MRPS22: variants seen among roughly 807,000 people sequenced by gnomAD.
MRPS22 encodes the protein mitochondrial ribosomal protein S22, also known as small ribosomal subunit protein mS22.
MRPS22 carries 30 observed loss-of-function variants against 44.0 expected under a neutral mutation model. The ratio of observed to expected loss-of-function variants is 0.68; its 90% confidence interval spans 0.51 to 0.93. The LOEUF (loss-of-function observed/expected upper bound fraction) is 0.93, where lower values mean the gene tolerates loss of function less well. Among genes scored for constraint, MRPS22 ranks in the 40% least tolerant of loss-of-function variants. MRPS22 has a pLI of 0.00. For missense variants in MRPS22, 447 were observed against 447.8 expected (o/e 1.00, Z 0.02); for synonymous variants, 165 against 154.4 (o/e 1.07, Z -0.51).
At chr3:139,351,895 C>G (rs900725840) in intron 5 of MRPS22, 2 of 152,772 alleles carry the variant, frequency 1.3e-5, no homozygotes, top group African/African-American at 2.4e-5. Flanking sequence ...GTCAGCAGAC[C>G]TTTGAAAGCC....
Position 139,356,976 on chromosome 3 carries a change from T to TATCA in MRPS22, c.1047_1050dup (p.Glu351SerfsTer16). ...CTATATAGAACTAACACTGCAGACT[T>TATCA]ATCAAGAAGCACTCAGTCGCCATTC... On this transcript the variant is annotated frameshift_variant, in exon 8 of 8. Transcript: ENST00000680020. LOFTEE classifies it high-confidence loss of function. 1 of 1,612,984 alleles carries TATCA rather than the reference T, an allele frequency of 6.2e-7. No individual in the cohort carries two copies. The highest frequency in any genetic ancestry group is 8.5e-7 in the Non-Finnish European group (1 of 1,179,528).
chr3:139,348,778 A>G (rs1941092608), intron 3 of MRPS22, among the ~76,000 whole-genome samples: 1 of 152,258 alleles, frequency 6.6e-6, no homozygotes, highest in Non-Finnish European at 1.5e-5. Context: ...TTCGCTTTCC[A>G]GAATTTTCAG....
At chr3:139,356,279 T>C (rs539769986) in intron 7 of MRPS22, among the ~76,000 whole-genome samples, 11 of 152,330 alleles carry the variant, frequency 7.2e-5, no homozygotes, top group Non-Finnish European at 1.3e-4. Context: ...TGGAGCTGCA[T>C]ACCTCTCAAA....
chr3:139,346,789 T>A, intron 1 of MRPS22, 89 bp from the exon 2 acceptor site: 2 of 1,364,932 alleles, frequency 1.5e-6, no homozygotes, highest in Non-Finnish European at 2.1e-6. Context: ...ATTGTGCTAA[T>A]GCTTTTTATT....
intron 6 of MRPS22, among the ~76,000 whole-genome samples, chr3:139,354,360 G>A (rs1941205880): frequency 6.6e-6 from 1 of 152,172 alleles, no homozygotes; most frequent in African/African-American, 2.4e-5. Flanking sequence ...TTATACTTAA[G>A]CATGAACCTA....
At chr3:139,346,822 A>T in intron 1 of MRPS22, 56 bp from the exon 2 acceptor site, 3 of 1,579,212 alleles carry the variant, frequency 1.9e-6, no homozygotes, top group Non-Finnish European at 2.6e-6. Context: ...TTCTATTTAG[A>T]GGTCTTGTTA....
chr3:139,346,809 CTT>C (rs1484696794), intron 1 of MRPS22, 67 bp from the exon 2 acceptor site: 3 of 1,545,978 alleles, frequency 1.9e-6, no homozygotes, highest in Non-Finnish European at 2.7e-6. Flanking sequence ...TGTTAACTGA[CTT>C]TTCTATTTAG....
chr3:139,354,274 G>C (rs143193343), intron 6 of MRPS22, among the ~76,000 whole-genome samples: 1 of 152,112 alleles, frequency 6.6e-6, no homozygotes, highest in African/African-American at 2.4e-5. Flanking sequence ...AAATCTTTTC[G>C]AAATATAATT....
chr3:139,352,359 G>C (rs1219959742), intron 5 of MRPS22: 1 of 354,786 alleles, frequency 2.8e-6, no homozygotes, highest in East Asian at 6.3e-5. Context: ...CTAGAGATGA[G>C]GACTGCTCAA....
chr3:139,354,193 G>T (rs1941203079), intron 6 of MRPS22, among the ~76,000 whole-genome samples: 1 of 152,216 alleles, frequency 6.6e-6, no homozygotes, highest in African/African-American at 2.4e-5. Context: ...GCTCAGAAAA[G>T]AATTAGGATT....
At chr3:139,349,392 A>G (rs1358217513) in intron 3 of MRPS22, 1 of 429,180 alleles carries the variant, frequency 2.3e-6, no homozygotes, top group Admixed American at 2.9e-5. Flanking sequence ...ACCTCTGAAA[A>G]CTTGAGAGTC....
Position 139,356,100 on chromosome 3 carries a change from G to C in MRPS22, c.987+310G>C, listed in dbSNP as rs906398838. Reference sequence around the variant, plus strand: ...GCACTGGAAGGGCTGAGCTGCATCTGAGGTGTTCAAGCCACCAACAGGACA... The same window carrying C: ...GCACTGGAAGGGCTGAGCTGCATCTCAGGTGTTCAAGCCACCAACAGGACA... On this transcript the variant is annotated intron_variant, in intron 7 of 7. Coordinates refer to ENST00000680020, the MANE Select transcript of MRPS22 (RefSeq NM_020191.4). 2.0e-5 allele frequency among the ~76,000 whole-genome samples: 3 copies of C among 152,196 alleles called. No homozygotes were observed. The East Asian group carries it at 5.8e-4, about 29-fold the overall frequency.
Position 139,350,508 on chromosome 3 carries a change from A to G in MRPS22, c.648+186A>G, listed in dbSNP as rs1194319322. The stretch of plus-strand genomic sequence containing the variant: ...AGTGGCGGGATCTCAGCTCACTGCA[A>G]CCTCCACCTTCTGGTTTCAAGTGAT... On this transcript the variant is annotated intron_variant, in intron 4 of 7. Transcript: ENST00000680020. 3.2e-5 allele frequency: 19 copies of G among 601,602 alleles called. No homozygotes were observed. In the East Asian group the frequency reaches 5.9e-4, roughly 19 times the overall value. 37.3% of individuals were successfully genotyped at this position (601,602 alleles called of 1,614,324 possible).
chr3:139,357,027 A>C lies in MRPS22; in HGVS notation c.*13A>C. The C allele has an allele frequency of 6.4e-7, 1 of 1,569,582 alleles. No homozygotes were observed. The highest frequency in any genetic ancestry group is 8.7e-7 in the Non-Finnish European group (1 of 1,142,960). On this transcript the variant is annotated 3_prime_UTR_variant, in exon 8 of 8. Coordinates refer to ENST00000680020, the MANE Select transcript of MRPS22 (RefSeq NM_020191.4). ...TGCAGCTTCCTAAAAATATTTTAAA[A>C]ATACATTTATTTTACTAAATACTGA... is the stretch of plus-strand genomic sequence containing the variant.
chr3:139,357,059 T>C lies in MRPS22; in HGVS notation c.*45T>C. ...TTATTTTACTAAATACTGACTACAT[T>C]TCTCTGTTAATATTGAGCTAAATGT... On this transcript the variant is annotated 3_prime_UTR_variant, in exon 8 of 8. Transcript: ENST00000680020. 1 of 1,419,958 alleles carries C rather than the reference T, an allele frequency of 7.0e-7. No homozygotes were observed. The highest frequency in any genetic ancestry group is 2.4e-4 in the Middle Eastern group (1 of 4,208). 88.0% of individuals were successfully genotyped at this position (1,419,958 alleles called of 1,614,324 possible).
chr3:139,344,116 G>A lies in MRPS22; in HGVS notation c.90G>A (p.Gln30=), dbSNP rs772766573. 2.0e-5 allele frequency: 32 copies of A among 1,614,088 alleles called. No individual in the cohort carries two copies. Among genetic ancestry groups the A allele is most frequent in the Non-Finnish European group, 2.4e-5 (28 of 1,180,006 alleles). The change falls in exon 1 of 8, where the codon CAG becomes CAA. Residue 30 remains glutamine (Q), a synonymous_variant. Transcript: ENST00000680020. ...GGGTCTGTTTCCGGGCTCGAATCCA[G>A]CCCTGGCACGGTGGCCTGCTCCAAC... ...VERVCFRARI[Q]PWHGGLLQPL... is the part of the protein sequence containing the mutation.
At chr3:139,354,063 T>C (rs935751120) in intron 6 of MRPS22, among the ~76,000 whole-genome samples, 2 of 152,204 alleles carry the variant, frequency 1.3e-5, no homozygotes, top group African/African-American at 4.8e-5. Context: ...TTTGAGTACT[T>C]ACTTAGCTTT....
intron 5 of MRPS22, chr3:139,351,364 T>C: frequency 2.6e-6 from 1 of 385,278 alleles, no homozygotes; most frequent in South Asian, 2.2e-5. Flanking sequence ...GTTTACCGTA[T>C]AGGAATCAAA....
intron 1 of MRPS22, chr3:139,344,696 A>C: frequency 1.4e-6 from 1 of 701,408 alleles, no homozygotes; most frequent in Admixed American, 2.0e-5. Flanking sequence ...CTGAGCACAG[A>C]TATTTGGGAA....
Sources: gnomAD v4.1 joint callset for allele counts (sites outside exome capture counted in the v4.1 genomes callset) on GRCh38, gnomAD v4.1.1 for gene constraint, MANE v1.5 for transcripts, NCBI Gene and HGNC (gene_info 2026-07-23, HGNC 2026-07-21) for gene names.